Variants in STARD9 observed in about 807,000 individuals in gnomAD.
STARD9 encodes the protein stAR-related lipid transfer protein 9.
In STARD9, 346 loss-of-function variants were observed where a neutral mutation model predicts 399.8. That is an observed-to-expected ratio of 0.87 (90% confidence interval 0.79 to 0.95). The LOEUF (loss-of-function observed/expected upper bound fraction) is 0.95. Ranked by LOEUF, STARD9 falls within the 40% of genes least tolerant of loss-of-function variation. The probability of loss-of-function intolerance (pLI) is 0.00; values close to 1 mark genes in which losing one functional copy is unlikely to be tolerated. For synonymous variants in STARD9, 2,203 were observed against 2,143.5 expected, an observed-to-expected ratio of 1.03 and a Z score of -0.77; for missense variants, 5,832 against 5,667.5, an observed-to-expected ratio of 1.03 and a Z score of -0.93.
chr15:42,685,490 G>A lies in STARD9; in HGVS notation c.3912G>A (p.Glu1304=), dbSNP rs182269940. ...QPHCELQPHC[E]QAESQVEPSY... is the part of the protein sequence containing the mutation. ...ATTGTGAGCTCCAGCCCCATTGTGA[G>A]CAGGCTGAATCACAGGTAGAGCCAA... Residue 1304 remains glutamate, a synonymous_variant, in exon 23 of 33, where the codon GAG becomes GAA. Transcript: ENST00000290607. 5.2e-6 allele frequency: 8 copies of A among 1,537,292 alleles called. No homozygotes were observed. In the East Asian group the frequency reaches 9.8e-5, roughly 19 times the overall value.
intron 1 of STARD9, among the ~76,000 whole-genome samples, chr15:42,578,685 A>G (rs2058106497): frequency 6.6e-6 from 1 of 151,748 alleles, no homozygotes; most frequent in Non-Finnish European, 1.5e-5. Flanking sequence ...GAGTTTAATT[A>G]AAGTCAGAAC....
Position 42,690,751 on chromosome 15 carries a change from G to C in STARD9, c.9173G>C (p.Arg3058Thr). The C allele has an allele frequency of 2.0e-6, 3 of 1,537,274 alleles. No individual in the cohort carries two copies. The highest frequency in any genetic ancestry group is 2.6e-6 in the Non-Finnish European group (3 of 1,146,914). Reference protein sequence around the residue: ...AAVLSRAQGCRSPSAPDVRTG... With the variant: ...AAVLSRAQGCTSPSAPDVRTG... ...GTCCTATCTCGAGCTCAAGGCTGCAGATCCCCTTCTGCTCCTGACGTGAGG... is the reference window on the plus strand; with the variant it reads ...GTCCTATCTCGAGCTCAAGGCTGCACATCCCCTTCTGCTCCTGACGTGAGG... Residue 3058 changes from arginine to threonine, a missense_variant, in exon 23 of 33, where the codon AGA becomes ACA. Coordinates refer to ENST00000290607, the MANE Select transcript of STARD9 (RefSeq NM_020759.3).
At chr15:42,644,591 G>A (rs1315518674) in intron 7 of STARD9, among the ~76,000 whole-genome samples, 1 of 152,152 alleles carries the variant, frequency 6.6e-6, no homozygotes, top group Non-Finnish European at 1.5e-5. Flanking sequence ...TCTCTTTGCT[G>A]GTGCAGGATT....
chr15:42,609,133 TG>T (rs897782163), intron 3 of STARD9, among the ~76,000 whole-genome samples: 2 of 151,616 alleles, frequency 1.3e-5, no homozygotes, highest in Non-Finnish European at 2.9e-5. Flanking sequence ...CTGAGGATAG[TG>T]GGGGGCGGGA....
At chr15:42,590,697 G>C (rs77171961) in intron 3 of STARD9, among the ~76,000 whole-genome samples, 3,215 of 152,304 alleles carry the variant, frequency 0.021, 130 homozygotes, top group African/African-American at 0.074. Flanking sequence ...ATCTGCTGTT[G>C]CTGAGGGTTC....
chr15:42,629,615 C>T (rs1236063262), intron 3 of STARD9, among the ~76,000 whole-genome samples: 7 of 152,114 alleles, frequency 4.6e-5, no homozygotes, highest in African/African-American at 1.7e-4. Flanking sequence ...CTTTCTTTCT[C>T]TTGTCCGATT....
chr15:42,627,939 T>C (rs528600900), intron 3 of STARD9, among the ~76,000 whole-genome samples: 1 of 152,346 alleles, frequency 6.6e-6, no homozygotes, highest in East Asian at 1.9e-4. Context: ...TTTGGATAAA[T>C]ACCCAGTAGT....
chr15:42,652,367 C>G (rs1251519460), intron 8 of STARD9, among the ~76,000 whole-genome samples, 153 bp from the exon 9 acceptor site: 2 of 152,122 alleles, frequency 1.3e-5, no homozygotes, highest in African/African-American at 4.8e-5. Flanking sequence ...CCTCTTTGGA[C>G]TATTCTCTTC....
chr15:42,702,510 T>C (rs1289727994), intron 26 of STARD9, among the ~76,000 whole-genome samples: 1 of 152,164 alleles, frequency 6.6e-6, no homozygotes, highest in East Asian at 1.9e-4. Flanking sequence ...CCTGTTGTTA[T>C]TATTTTTAAT....
rs2140262669 is a variant in STARD9, at chr15:42,689,146, T to C, written c.7568T>C (p.Leu2523Ser). Residue 2523 changes from leucine to serine, a missense_variant, in exon 23 of 33, where the codon TTA becomes TCA. Around this residue, in one of 2 missense-constraint regions of STARD9, gnomAD observed 5,828 missense variants for 5,651.1 expected, o/e 1.03. Transcript: ENST00000290607. Reference sequence around the variant, plus strand: ...GTCGGACTGACCAGCGGTGTTTCCTTAGCACCTGTTTCCCTGCCGAGGGTG... The same window carrying C: ...GTCGGACTGACCAGCGGTGTTTCCTCAGCACCTGTTTCCCTGCCGAGGGTG... ...EDVGLTSGVS[L>S]APVSLPRVPS... 6.5e-7 allele frequency: 1 copy of C among 1,537,250 alleles called. No individual in the cohort carries two copies. The highest frequency in any genetic ancestry group is 8.7e-7 in the Non-Finnish European group (1 of 1,146,928).
At position 42,652,686 on chromosome 15, in the gene STARD9, T is replaced by C. The variant is rs918890100; in HGVS notation, c.702+94T>C. On this transcript the variant is annotated intron_variant, in intron 9 of 32. Transcript: ENST00000290607. Reference sequence around the variant, plus strand: ...CCTTCCTATTTCTTTTTTTGTTTGTTGGTTTTTGAGACAGGGTCTCAGTCT... The same window carrying C: ...CCTTCCTATTTCTTTTTTTGTTTGTCGGTTTTTGAGACAGGGTCTCAGTCT... 4 of 1,223,852 alleles carry C rather than the reference T, an allele frequency of 3.3e-6. No homozygotes were observed. The East Asian group carries it at 1.0e-4, about 31-fold the overall frequency. The allele number at this position is 1,223,852 out of a possible 1,614,324, so 75.8% of individuals were successfully genotyped here.
intron 10 of STARD9, among the ~76,000 whole-genome samples, 174 bp downstream of exon 10, chr15:42,661,399 C>T (rs77757620): frequency 0.036 from 5,423 of 152,228 alleles, 306 homozygotes; most frequent in African/African-American, 0.12. Flanking sequence ...AGTTCCTCTA[C>T]ATCAGGGATT....
chr15:42,650,496 C>T (rs2141987547), intron 7 of STARD9, among the ~76,000 whole-genome samples: 1 of 152,296 alleles, frequency 6.6e-6, no homozygotes, highest in Middle Eastern at 3.4e-3. Context: ...CTGTCCTGAC[C>T]ACGCCTCTGA....
At chr15:42,709,110 A>G (rs1472936846) in intron 26 of STARD9, among the ~76,000 whole-genome samples, 1 of 152,172 alleles carries the variant, frequency 6.6e-6, no homozygotes, top group Non-Finnish European at 1.5e-5. Flanking sequence ...TGATTAATGA[A>G]CATGGCTGAA....
intron 3 of STARD9, among the ~76,000 whole-genome samples, chr15:42,594,162 G>A (rs1328573553): frequency 6.6e-6 from 1 of 152,166 alleles, no homozygotes; most frequent in Non-Finnish European, 1.5e-5. Flanking sequence ...CTGGACTTCA[G>A]TGTGAGGATG....
Position 42,720,782 on chromosome 15 carries a change from A to G in STARD9, c.*1208A>G, listed in dbSNP as rs2061438166. On this transcript the variant is annotated 3_prime_UTR_variant, in exon 33 of 33. Coordinates refer to ENST00000290607, the MANE Select transcript of STARD9 (RefSeq NM_020759.3). The stretch of plus-strand genomic sequence containing the variant: ...TGTTTTTCTAAAGTGTTTGCAGGGC[A>G]TTTTTCCCTCTTACCTCAGATTAAG... The G allele has an allele frequency of 6.6e-6, 1 of 152,000 alleles. No individual in the cohort carries two copies. Among genetic ancestry groups the G allele is most frequent in the Non-Finnish European group, 1.5e-5 (1 of 67,992 alleles). The allele number at this position is 152,000 out of a possible 1,614,324, so 9.4% of individuals were successfully genotyped here.
chr15:42,665,472 C>G (rs1014593995), intron 14 of STARD9, 142 bp downstream of exon 14: 1 of 710,872 alleles, frequency 1.4e-6, no homozygotes, highest in African/African-American at 1.8e-5. Flanking sequence ...AAAGACAAAA[C>G]AGAGATTTCT....
intron 26 of STARD9, among the ~76,000 whole-genome samples, 171 bp downstream of exon 26, chr15:42,696,051 C>T (rs1441836725): frequency 6.6e-6 from 1 of 152,210 alleles, no homozygotes; most frequent in Non-Finnish European, 1.5e-5. Context: ...TAGTTCTGCC[C>T]CCTGCTCCTT....
rs1411353367 is a variant in STARD9, at chr15:42,682,125, A to G, written c.2087A>G (p.Glu696Gly). The change falls in exon 22 of 33, where the codon GAA (glutamate) becomes GGA (glycine). Residue 696 changes from glutamate (E) to glycine (G), a missense_variant. Coordinates refer to ENST00000290607, the MANE Select transcript of STARD9 (RefSeq NM_020759.3). ...IKENQQCLLREETWLASLQQQ... is the reference protein window; with the variant it reads ...IKENQQCLLRGETWLASLQQQ... ...CCAGACCAGCAGTGTCTGCTCAGAG[A>G]AGAGACCTGGCTGGCCAGCTTGCAA... 1 of 1,537,114 alleles carries G rather than the reference A, an allele frequency of 6.5e-7. No individual in the cohort carries two copies. The highest frequency in any genetic ancestry group is 8.7e-7 in the Non-Finnish European group (1 of 1,146,838).
Sources: allele counts gnomAD v4.1 joint callset (sites outside exome capture counted in the v4.1 genomes callset), GRCh38; gene constraint gnomAD v4.1.1; regional missense constraint gnomAD v4.1.1; transcripts MANE v1.5; gene names NCBI Gene and HGNC (gene_info 2026-07-23, HGNC 2026-07-21).